Variants in PTPRD observed in about 807,000 individuals in gnomAD.
The protein encoded by PTPRD is receptor-type tyrosine-protein phosphatase delta.
In PTPRD, 34 loss-of-function variants were observed where a neutral mutation model predicts 214.5. The observed-to-expected ratio is 0.16, with a 90% CI of 0.12 to 0.21. The LOEUF (loss-of-function observed/expected upper bound fraction) is 0.21. Among genes scored for constraint, PTPRD ranks in the 10% least tolerant of loss-of-function variants. PTPRD has a pLI of 1.00. For missense variants in PTPRD, 2,545 were observed against 2,398.7 expected (o/e 1.06, Z -1.27); for synonymous variants, 1,128 against 845.7 (o/e 1.33, Z -5.79).
intron 9 of PTPRD, among the ~76,000 whole-genome samples, chr9:9,196,218 A>C (rs2099938525): frequency 6.6e-6 from 1 of 152,298 alleles, no homozygotes; most frequent in South Asian, 2.1e-4. Context: ...TACTATTACC[A>C]ATATCTTAAG....
chr9:9,629,451 A>G (rs1465631745), intron 7 of PTPRD, among the ~76,000 whole-genome samples: 1 of 152,066 alleles, frequency 6.6e-6, no homozygotes, highest in Admixed American at 6.6e-5. Flanking sequence ...CTGTCTTTGA[A>G]TCTTTATTAC....
chr9:9,641,050 A>G (rs938744289), intron 7 of PTPRD, among the ~76,000 whole-genome samples: 1 of 152,260 alleles, frequency 6.6e-6, no homozygotes, highest in Non-Finnish European at 1.5e-5. Flanking sequence ...TGATTTTGGC[A>G]GCCAACAAGC....
chr9:9,473,119 C>T (rs1340798445), intron 8 of PTPRD, among the ~76,000 whole-genome samples: 1 of 151,832 alleles, frequency 6.6e-6, no homozygotes, highest in African/African-American at 2.4e-5. Flanking sequence ...CTTATCTTCC[C>T]CTCTCCCTAC....
chr9:8,848,773 C>A (rs2097757889), intron 11 of PTPRD, among the ~76,000 whole-genome samples: 1 of 149,834 alleles, frequency 6.7e-6, no homozygotes, highest in Admixed American at 6.6e-5. Flanking sequence ...AAAATCTTGA[C>A]CCTATGTTCC....
intron 2 of PTPRD, among the ~76,000 whole-genome samples, chr9:10,466,303 C>T (rs191457680): frequency 1.5e-3 from 229 of 152,218 alleles, no homozygotes; most frequent in African/African-American, 5.1e-3. Context: ...CTGCTTCTCT[C>T]TCAATTATTT....
intron 39 of PTPRD, among the ~76,000 whole-genome samples, chr9:8,352,391 G>A (rs376613213): frequency 6.6e-6 from 1 of 152,150 alleles, no homozygotes; most frequent in African/African-American, 2.4e-5. Flanking sequence ...GAAGTTTAGA[G>A]AACTATATCA....
chr9:8,485,538 T>C, intron 28 of PTPRD: 1 of 624,950 alleles, frequency 1.6e-6, no homozygotes. Context: ...TATTGTGTTT[T>C]CCTTACCTGA....
chr9:9,521,964 C>A (rs1461335218), intron 8 of PTPRD, among the ~76,000 whole-genome samples: 1 of 151,930 alleles, frequency 6.6e-6, no homozygotes, highest in Non-Finnish European at 1.5e-5. Flanking sequence ...TTGAGACGAG[C>A]CTGACCAACG....
intron 2 of PTPRD, among the ~76,000 whole-genome samples, chr9:10,359,149 C>A (rs1170691208): frequency 6.6e-6 from 1 of 151,842 alleles, no homozygotes; most frequent in Admixed American, 6.6e-5. Context: ...ATCATGAGAT[C>A]TATTGTTAAC....
chr9:9,652,728 C>T (rs574641987), intron 7 of PTPRD, among the ~76,000 whole-genome samples: 1 of 151,940 alleles, frequency 6.6e-6, no homozygotes, highest in South Asian at 2.1e-4. Context: ...AATTCTCCTA[C>T]CTCAGCCTCC....
chr9:8,882,948 A>C (rs754642913), intron 11 of PTPRD, among the ~76,000 whole-genome samples: 1 of 152,206 alleles, frequency 6.6e-6, no homozygotes, highest in Admixed American at 6.5e-5. Flanking sequence ...AGGCGCTATT[A>C]ATGGAAGATA....
intron 11 of PTPRD, among the ~76,000 whole-genome samples, chr9:8,891,039 A>G (rs1221697695): frequency 6.6e-6 from 1 of 152,162 alleles, no homozygotes; most frequent in Admixed American, 6.6e-5. Context: ...CACTTTAAAA[A>G]TAAGGATCAA....
intron 11 of PTPRD, among the ~76,000 whole-genome samples, chr9:8,838,132 G>C (rs2097477419): frequency 6.6e-6 from 1 of 151,910 alleles, no homozygotes; most frequent in Non-Finnish European, 1.5e-5. Flanking sequence ...ATAATTGAAA[G>C]GTTATGATGA....
At chr9:9,762,128 G>A (rs2098663177) in intron 6 of PTPRD, among the ~76,000 whole-genome samples, 1 of 152,130 alleles carries the variant, frequency 6.6e-6, no homozygotes, top group Admixed American at 6.5e-5. Context: ...TGCCCTCAAG[G>A]CTCTGAACAG....
At chr9:8,426,192 A>ATT in intron 35 of PTPRD, among the ~76,000 whole-genome samples, 1 of 152,194 alleles carries the variant, frequency 6.6e-6, no homozygotes, top group South Asian at 2.1e-4. Context: ...CCTAACATAT[A>ATT]TTCATCTTCA....
intron 27 of PTPRD, chr9:8,486,603 G>C: frequency 1.6e-6 from 1 of 632,992 alleles, no homozygotes; most frequent in Non-Finnish European, 2.9e-6. Context: ...ACAGCTTAAG[G>C]GGATTTTTTT....
chr9:10,482,121 C>T (rs557748223), intron 2 of PTPRD, among the ~76,000 whole-genome samples: 1 of 152,100 alleles, frequency 6.6e-6, no homozygotes, highest in Non-Finnish European at 1.5e-5. Context: ...CCTGTAATCC[C>T]AGCATTTTGG....
intron 12 of PTPRD, among the ~76,000 whole-genome samples, chr9:8,724,594 C>G (rs1372975745): frequency 6.6e-6 from 1 of 151,938 alleles, no homozygotes; most frequent in Non-Finnish European, 1.5e-5. Flanking sequence ...GAATAAAAAC[C>G]AAGATTTTGA....
intron 3 of PTPRD, among the ~76,000 whole-genome samples, chr9:10,127,277 T>C (rs1468267583): frequency 1.3e-5 from 2 of 152,164 alleles, no homozygotes; most frequent in Admixed American, 6.6e-5. Context: ...GATTCCTCTG[T>C]CTGTAATGGC....
Sources: allele counts gnomAD v4.1 joint callset (sites outside exome capture counted in the v4.1 genomes callset), GRCh38; gene constraint gnomAD v4.1.1; transcripts MANE v1.5; gene names NCBI Gene and HGNC (gene_info 2026-07-23, HGNC 2026-07-21).